Variants in APOL2 observed in about 807,000 individuals in gnomAD.
APOL2 encodes apolipoprotein L, 2.
Under a neutral mutation model 7.1 loss-of-function variants are expected in APOL2, and 8 were observed. The observed-to-expected ratio is 1.12, with a 90% CI of 0.66 to 2.03. APOL2 has a LOEUF of 2.03. Among genes scored for constraint, APOL2 ranks in the 30% most tolerant of loss-of-function variants. APOL2 has a pLI of 0.00. For synonymous variants in APOL2, 177 were observed against 159.9 expected, an observed-to-expected ratio of 1.11 and a Z score of -0.81; for missense variants, 471 against 415.1, an observed-to-expected ratio of 1.13 and a Z score of -1.17.
chr22:36,229,742 T>C (rs544828120), intron 4 of APOL2, among the ~76,000 whole-genome samples: 1 of 152,320 alleles, frequency 6.6e-6, no homozygotes, highest in Non-Finnish European at 1.5e-5. Flanking sequence ...GCAGTCTGGC[T>C]ATCTCTGAGT....
intron 1 of APOL2, among the ~76,000 whole-genome samples, chr22:36,237,628 T>C (rs1376267082): frequency 6.6e-6 from 1 of 152,116 alleles, no homozygotes; most frequent in African/African-American, 2.4e-5. Flanking sequence ...GCCCAAGCTG[T>C]CTTGAGCTCC....
intron 1 of APOL2, among the ~76,000 whole-genome samples, chr22:36,238,171 T>C (rs762965): frequency 0.77 from 117,362 of 152,146 alleles, 47,126 homozygotes; most frequent in African/African-American, 0.94. Flanking sequence ...ACGACTGACC[T>C]GGATGCCCTC....
At chr22:36,232,749 A>C (rs1484982608) in intron 3 of APOL2, among the ~76,000 whole-genome samples, 2 of 151,508 alleles carry the variant, frequency 1.3e-5, no homozygotes, top group African/African-American at 2.4e-5. Context: ...GCTGGAAAAA[A>C]CCCTGGGTCA....
chr22:36,233,292 C>T (rs2015293298), intron 2 of APOL2, 51 bp from the exon 3 acceptor site: 1 of 1,600,646 alleles, frequency 6.2e-7, no homozygotes, highest in Non-Finnish European at 8.6e-7. Context: ...CTCCTGTGTA[C>T]AGAGGGAGGC....
At chr22:36,235,188 C>T (rs760537886) in intron 1 of APOL2, among the ~76,000 whole-genome samples, 1 of 152,150 alleles carries the variant, frequency 6.6e-6, no homozygotes, top group South Asian at 2.1e-4. Flanking sequence ...CTTGAGTCTA[C>T]ACCAGTGAAA....
At chr22:36,239,934 GC>G (rs1240432148), upstream of APOL2, 1 of 185,500 alleles carries the variant, frequency 5.4e-6, no homozygotes, top group Non-Finnish European at 1.1e-5. Context: ...TCCAGGCTCT[GC>G]CCCTGTTTTA....
At position 36,227,247 on chromosome 22, in the gene APOL2, C is replaced by T. The variant is rs537373400; in HGVS notation, c.*157G>A. On this transcript the variant is annotated 3_prime_UTR_variant, in exon 5 of 5. Coordinates refer to ENST00000358502, the MANE Select transcript of APOL2 (RefSeq NM_030882.4). Reference sequence around the variant, plus strand: ...CGGAGAATGGTGTGAACCCGGGAGGCGGAGTTTGCAGTGAGCCGAGATTGA... The same window carrying T: ...CGGAGAATGGTGTGAACCCGGGAGGTGGAGTTTGCAGTGAGCCGAGATTGA... 4.0e-5 allele frequency: 34 copies of T among 847,158 alleles called. No homozygotes were observed. Among genetic ancestry groups the T allele is most frequent in the Admixed American group, 2.3e-4 (6 of 26,366 alleles). 52.5% of individuals were successfully genotyped at this position (847,158 alleles called of 1,614,324 possible). A position where few individuals can be genotyped will look rare whatever the true frequency, so the allele number is the denominator to read the frequency against.
chr22:36,237,473 A>T (rs1423040811), intron 1 of APOL2: 2 of 859,812 alleles, frequency 2.3e-6, no homozygotes, highest in Non-Finnish European at 2.9e-6. Flanking sequence ...CTTTGGGGCT[A>T]TCACAGCTTG....
At chr22:36,229,067 T>G (rs1183112967) in intron 4 of APOL2, among the ~76,000 whole-genome samples, 1 of 152,208 alleles carries the variant, frequency 6.6e-6, no homozygotes, top group Non-Finnish European at 1.5e-5. Context: ...ACCCACTGCT[T>G]TCTGGACTTG....
intron 1 of APOL2, among the ~76,000 whole-genome samples, chr22:36,235,679 C>G (rs1282662596): frequency 6.6e-6 from 1 of 150,398 alleles, no homozygotes. Context: ...GAAAAGTTAC[C>G]AGGCACAGGG....
At chr22:36,231,511 G>T in intron 3 of APOL2, 45 bp from the exon 4 acceptor site, 1 of 1,596,208 alleles carries the variant, frequency 6.3e-7, no homozygotes, top group Non-Finnish European at 8.6e-7. Context: ...TAGTGTAGGG[G>T]AGCATAACAG....
chr22:36,239,521 G>A lies in APOL2; in HGVS notation c.-214C>T. ...GGATCCCACGTCCAGCTGTGCATCT[G>A]TGTAATAACCAGACACGTCCTCCGG... On this transcript the variant is annotated 5_prime_UTR_variant, in exon 1 of 5. Coordinates refer to ENST00000358502, the MANE Select transcript of APOL2 (RefSeq NM_030882.4). 6.9e-6 allele frequency: 11 copies of A among 1,585,840 alleles called. No homozygotes were observed. The highest frequency in any genetic ancestry group is 8.5e-6 in the Non-Finnish European group (10 of 1,172,742).
intron 1 of APOL2, among the ~76,000 whole-genome samples, chr22:36,238,501 G>T (rs2015488609): frequency 6.6e-6 from 1 of 152,146 alleles, no homozygotes; most frequent in Non-Finnish European, 1.5e-5. Context: ...GGGCAGAGGG[G>T]AGGCCAACAT....
intron 1 of APOL2, chr22:36,239,041 C>A (rs1203624273): frequency 5.4e-6 from 5 of 931,308 alleles, no homozygotes; most frequent in Non-Finnish European, 6.8e-6. Context: ...TGTGGCCCGG[C>A]CACAAGGACA....
intron 1 of APOL2, chr22:36,239,112 G>A (rs2015513155): frequency 8.5e-7 from 1 of 1,174,316 alleles, no homozygotes; most frequent in South Asian, 2.8e-5. Flanking sequence ...ATTTCCCAAA[G>A]AGATGGGCAC....
chr22:36,231,753 G>T (rs565949122), intron 3 of APOL2, among the ~76,000 whole-genome samples: 95 of 152,320 alleles, frequency 6.2e-4, no homozygotes, highest in Non-Finnish European at 9.3e-4. Context: ...GTGTCCTATT[G>T]TAAGAAGAGA....
chr22:36,230,109 T>C lies in APOL2; in HGVS notation c.137+1231A>G, dbSNP rs1355390512. On this transcript the variant is annotated intron_variant, in intron 4 of 4. Transcript: ENST00000358502. Reference sequence around the variant, plus strand: ...CTCAAGACACTTTCAGAACCATCTATATAAATTGCTAATGCTGAAAAGACC... The same window carrying C: ...CTCAAGACACTTTCAGAACCATCTACATAAATTGCTAATGCTGAAAAGACC... 2.6e-5 allele frequency among the ~76,000 whole-genome samples: 4 copies of C among 152,248 alleles called. No homozygotes were observed. In the South Asian group the frequency reaches 6.2e-4, roughly 24 times the overall value.
rs1430076514 is a variant in APOL2 at position 36,229,986 on chromosome 22, A to T, written c.137+1354T>A. Among the ~76,000 whole-genome samples the T allele has an allele frequency of 3.3e-5, 5 of 152,094 alleles. No individual in the cohort carries two copies. The East Asian group carries it at 9.6e-4, about 29-fold the overall frequency. On this transcript the variant is annotated intron_variant, in intron 4 of 4. Transcript: ENST00000358502. ...CTGCACCCCCAACCTTCCAGGTCTC[A>T]CTCGCAGGTGTCACCAGCCTAACTG...
chr22:36,233,445 G>A lies in APOL2; in HGVS notation c.-123C>T, dbSNP rs878956888. 6.5e-7 allele frequency: 1 copy of A among 1,550,216 alleles called. No individual in the cohort carries two copies. The highest frequency in any genetic ancestry group is 8.7e-7 in the Non-Finnish European group (1 of 1,147,306). Reference sequence around the variant, plus strand: ...TCCCTCACTCTCACACCAAGGCAGGGTCCTCTTGTCCTGTAGGGGTATGAG... The same window carrying A: ...TCCCTCACTCTCACACCAAGGCAGGATCCTCTTGTCCTGTAGGGGTATGAG... On this transcript the variant is annotated 5_prime_UTR_variant, in exon 2 of 5. Coordinates refer to ENST00000358502, the MANE Select transcript of APOL2 (RefSeq NM_030882.4).
Sources: gnomAD v4.1 joint callset for allele counts (sites outside exome capture counted in the v4.1 genomes callset) on GRCh38, gnomAD v4.1.1 for gene constraint, MANE v1.5 for transcripts, NCBI Gene and HGNC (gene_info 2026-07-23, HGNC 2026-07-21) for gene names.